DOCK3: variants seen among roughly 807,000 people sequenced by gnomAD.
DOCK3 encodes dedicator of cytokinesis 3, also known as dedicator of cytokinesis protein 3.
Under a neutral mutation model 265.6 loss-of-function variants are expected in DOCK3, and 60 were observed. That is an observed-to-expected ratio of 0.23 (90% CI 0.18 to 0.28). DOCK3 has a LOEUF of 0.28. Ranked by LOEUF, DOCK3 falls within the 10% of genes least tolerant of loss-of-function variation. The pLI is 1.00. For missense variants in DOCK3, 1,981 were observed against 2,594.3 expected (o/e 0.76, Z 5.14); for synonymous variants, 881 against 938.0 (o/e 0.94, Z 1.11).
chr3:51,028,502 C>G (rs1650636067), intron 5 of DOCK3, among the ~76,000 whole-genome samples: 1 of 152,116 alleles, frequency 6.6e-6, no homozygotes, highest in Non-Finnish European at 1.5e-5. Context: ...GAATTATACC[C>G]TCAAATACGT....
At chr3:50,840,695 C>T (rs889727186) in intron 2 of DOCK3, among the ~76,000 whole-genome samples, 24 of 152,126 alleles carry the variant, frequency 1.6e-4, no homozygotes, top group Admixed American at 1.3e-4. Flanking sequence ...TTTTCTGTTA[C>T]GTTTCTTAAA....
chr3:50,940,707 C>T (rs938187431), intron 5 of DOCK3, among the ~76,000 whole-genome samples: 2 of 152,036 alleles, frequency 1.3e-5, no homozygotes, highest in South Asian at 2.1e-4. Flanking sequence ...GTAATCAAGG[C>T]AGAGTGGTAC....
At chr3:50,801,013 T>G (rs1391447977) in intron 2 of DOCK3, among the ~76,000 whole-genome samples, 1 of 152,236 alleles carries the variant, frequency 6.6e-6, no homozygotes, top group African/African-American at 2.4e-5. Flanking sequence ...TCCATTTTGG[T>G]CTGAGAAGAT....
chr3:51,233,314 CTT>C (rs1243583670), intron 19 of DOCK3, among the ~76,000 whole-genome samples: 1 of 57,438 alleles, frequency 1.7e-5, no homozygotes, highest in Non-Finnish European at 6.3e-5. Context: ...AGTATTCTTT[CTT>C]TCTATCTATC....
intron 6 of DOCK3, among the ~76,000 whole-genome samples, chr3:51,066,079 T>G (rs1468820280): frequency 6.6e-6 from 1 of 152,116 alleles, no homozygotes; most frequent in African/African-American, 2.4e-5. Context: ...AATAAAATAC[T>G]CAGAGAAGAC....
intron 5 of DOCK3, among the ~76,000 whole-genome samples, chr3:50,973,557 G>A (rs1575649505): frequency 6.8e-6 from 1 of 146,424 alleles, no homozygotes; most frequent in African/African-American, 2.6e-5. Flanking sequence ...ATTTGGGTTG[G>A]TTCCAAGTCT....
chr3:51,329,999 C>T, intron 32 of DOCK3, 139 bp from the exon 33 acceptor site: 1 of 816,720 alleles, frequency 1.2e-6, no homozygotes, highest in Non-Finnish European at 1.9e-6. Context: ...AGGTAAAATA[C>T]TACCTTCCCT....
chr3:50,864,269 C>G (rs1030150574), intron 3 of DOCK3, among the ~76,000 whole-genome samples: 1 of 152,102 alleles, frequency 6.6e-6, no homozygotes, highest in African/African-American at 2.4e-5. Context: ...AATGTCCATT[C>G]AGGTATTTTG....
intron 1 of DOCK3, among the ~76,000 whole-genome samples, chr3:50,739,430 T>C (rs2038869403): frequency 6.6e-6 from 1 of 152,130 alleles, no homozygotes; most frequent in African/African-American, 2.4e-5. Context: ...CCTTCAGACA[T>C]TTCTGCTTTC....
chr3:51,302,885 T>A (rs2082432832), intron 27 of DOCK3, among the ~76,000 whole-genome samples: 2 of 152,284 alleles, frequency 1.3e-5, no homozygotes, highest in East Asian at 3.9e-4. Flanking sequence ...GAGAATCTGA[T>A]GATTATGTGT....
At chr3:50,678,053 G>A (rs2034114626) in intron 1 of DOCK3, among the ~76,000 whole-genome samples, 1 of 151,920 alleles carries the variant, frequency 6.6e-6, no homozygotes, top group African/African-American at 2.4e-5. Context: ...AAAGAAACTG[G>A]ATCCCAAAGG....
At chr3:51,016,983 A>G (rs1329477472) in intron 5 of DOCK3, among the ~76,000 whole-genome samples, 1 of 103,966 alleles carries the variant, frequency 9.6e-6, no homozygotes, top group Non-Finnish European at 1.9e-5. Context: ...AATAAATGGT[A>G]AAATTTAGTA....
At chr3:50,922,454 A>G (rs747034021) in intron 4 of DOCK3, among the ~76,000 whole-genome samples, 1 of 152,192 alleles carries the variant, frequency 6.6e-6, no homozygotes, top group African/African-American at 2.4e-5. Context: ...ACTGTCTGTC[A>G]TGGCTTCCCT....
chr3:51,120,339 C>T (rs941002619), intron 9 of DOCK3, among the ~76,000 whole-genome samples: 1 of 152,156 alleles, frequency 6.6e-6, no homozygotes, highest in African/African-American at 2.4e-5. Context: ...CTTCTGAAAG[C>T]TTTGTCCTAG....
At chr3:51,252,882 A>T (rs1031702411) in intron 22 of DOCK3, among the ~76,000 whole-genome samples, 1 of 152,224 alleles carries the variant, frequency 6.6e-6, no homozygotes, top group Non-Finnish European at 1.5e-5. Context: ...TGCCCTGGCC[A>T]GAACTTTCAA....
chr3:51,361,731 T>C lies in DOCK3; in HGVS notation c.5007-128T>C, dbSNP rs1393583238. ...CCAGGCCTCAGATGGGTATGAGCAT[T>C]GACTATGGAACCCTCCAAACCGGTG... On this transcript the variant is annotated intron_variant, in intron 47 of 52. Coordinates refer to ENST00000266037, the MANE Select transcript of DOCK3 (RefSeq NM_004947.5). This position sits in a 1 kb window ranked among gnomAD's most constrained non-coding sequence, Gnocchi z 4.2. 9.3e-6 allele frequency: 12 copies of C among 1,292,024 alleles called. No homozygotes were observed. Among genetic ancestry groups the C allele is most frequent in the Admixed American group, 4.7e-5 (2 of 42,388 alleles). The allele number at this position is 1,292,024 out of a possible 1,614,324, so 80.0% of individuals were successfully genotyped here.
chr3:51,327,984 AT>A (rs1446748583), intron 32 of DOCK3, among the ~76,000 whole-genome samples: 2 of 152,058 alleles, frequency 1.3e-5, no homozygotes, highest in Non-Finnish European at 2.9e-5. Flanking sequence ...ACCCAGCCCC[AT>A]CACCAGCTTC....
chr3:51,254,497 A>G (rs1022805750), intron 22 of DOCK3, among the ~76,000 whole-genome samples: 1 of 152,072 alleles, frequency 6.6e-6, no homozygotes, highest in Non-Finnish European at 1.5e-5. Context: ...ATTGTGTGGG[A>G]GTCTAAGTCT....
At chr3:50,907,878 A>G (rs1229994380) in intron 4 of DOCK3, among the ~76,000 whole-genome samples, 1 of 151,952 alleles carries the variant, frequency 6.6e-6, no homozygotes, top group Non-Finnish European at 1.5e-5. Context: ...TAGGCTATTT[A>G]TTACTGCCTC....
Sources: allele counts gnomAD v4.1 joint callset (sites outside exome capture counted in the v4.1 genomes callset), GRCh38; gene constraint gnomAD v4.1.1; non-coding constraint Gnocchi (gnomAD v3.1); transcripts MANE v1.5; gene names NCBI Gene and HGNC (gene_info 2026-07-23, HGNC 2026-07-21).